The following LRGUK variants were observed in gnomAD, a reference collection of about 807,000 sequenced individuals.
LRGUK encodes leucine rich repeats and guanylate kinase domain containing.
Under a neutral mutation model 76.0 loss-of-function variants are expected in LRGUK, and 65 were observed. The ratio of observed to expected loss-of-function variants is 0.85; its 90% CI spans 0.70 to 1.05. LRGUK has a LOEUF of 1.05. Ranked by LOEUF, LRGUK falls within the 50% of genes least tolerant of loss-of-function variation. The pLI, the probability that LRGUK is intolerant of heterozygous loss-of-function variation, is 0.00. For missense variants in LRGUK, 758 were observed against 732.8 expected (o/e 1.03, Z -0.40); for synonymous variants, 268 against 265.6 (o/e 1.01, Z -0.09).
chr7:134,160,568 A>T (rs1798683035), intron 6 of LRGUK, among the ~76,000 whole-genome samples: 1 of 152,226 alleles, frequency 6.6e-6, no homozygotes. Flanking sequence ...AATTTAGAGA[A>T]AGAAGAACAA....
chr7:134,201,701 T>G, intron 15 of LRGUK, 125 bp downstream of exon 15: 1 of 633,240 alleles, frequency 1.6e-6, no homozygotes, highest in Non-Finnish European at 2.7e-6. Flanking sequence ...CCTGTACTTC[T>G]TCTGGGGCAA....
intron 8 of LRGUK, 48 bp downstream of exon 8, chr7:134,174,684 T>C: frequency 9.7e-7 from 1 of 1,029,584 alleles, no homozygotes; most frequent in Non-Finnish European, 1.5e-6. Flanking sequence ...GAAAGTGGGA[T>C]GGTGGAGGGA....
At chr7:134,149,998 G>A (rs577822159) in intron 5 of LRGUK, among the ~76,000 whole-genome samples, 18 of 152,264 alleles carry the variant, frequency 1.2e-4, no homozygotes, top group East Asian at 1.9e-4. Flanking sequence ...GGTCTAGGCC[G>A]GGCGTGGTGG....
intron 6 of LRGUK, among the ~76,000 whole-genome samples, chr7:134,160,463 A>G (rs1376658914): frequency 6.6e-6 from 1 of 152,224 alleles, no homozygotes; most frequent in East Asian, 1.9e-4. Context: ...TAAAATCTAT[A>G]AAATTTGTTT....
At chr7:134,191,880 T>TG (rs111830556) in intron 12 of LRGUK, 129 bp downstream of exon 12, 24 of 583,252 alleles carry the variant, frequency 4.1e-5, no homozygotes, top group Middle Eastern at 4.4e-4. Context: ...TGAGTTTTTA[T>TG]GGGGTTTTTT....
intron 5 of LRGUK, among the ~76,000 whole-genome samples, chr7:134,152,949 G>A (rs1180732308): frequency 1.1e-5 from 1 of 93,072 alleles, no homozygotes; most frequent in East Asian, 2.5e-4. Context: ...TAAAACTAAG[G>A]GAGGAAGGGA....
At position 134,163,628 on chromosome 7, in the gene LRGUK, C is replaced by T. The variant is rs535257272; in HGVS notation, c.939+88C>T. ...AGCACACACCCTTCATTTTTGGTTT[C>T]TTAAGGGCGGACACATTAAATGTCA... On this transcript the variant is annotated intron_variant, in intron 7 of 15. Coordinates refer to ENST00000645682, the Ensembl canonical transcript of LRGUK. The T allele has an allele frequency of 2.9e-4, 357 of 1,224,868 alleles. 1 individual carries two copies. In the African/African-American group the frequency reaches 5.0e-3, roughly 17 times the overall value. The allele number at this position is 1,224,868 out of a possible 1,614,324, so 75.9% of individuals were successfully genotyped here.
intron 16 of LRGUK, among the ~76,000 whole-genome samples, chr7:134,228,970 A>C (rs1041735817): frequency 3.9e-5 from 6 of 152,346 alleles, no homozygotes; most frequent in Admixed American, 2.0e-4. Context: ...AAATAGTGTA[A>C]AGCTTGAAAA....
chr7:134,227,107 G>A (rs945023213), intron 16 of LRGUK, among the ~76,000 whole-genome samples: 1 of 149,280 alleles, frequency 6.7e-6, no homozygotes, highest in African/African-American at 2.6e-5. Flanking sequence ...TATCTGGCCA[G>A]GCATTAGGGG....
chr7:134,248,198 TC>T (rs1802358024), intron 17 of LRGUK, among the ~76,000 whole-genome samples: 1 of 152,118 alleles, frequency 6.6e-6, no homozygotes, highest in Non-Finnish European at 1.5e-5. Context: ...TGAGACACTG[TC>T]CCCCAGAGCA....
At chr7:134,152,605 T>G (rs1310417458) in intron 5 of LRGUK, among the ~76,000 whole-genome samples, 1 of 152,070 alleles carries the variant, frequency 6.6e-6, no homozygotes, top group African/African-American at 2.4e-5. Flanking sequence ...GGAGAACTTG[T>G]AGATCCAGAA....
chr7:134,221,677 C>T lies in LRGUK; in HGVS notation c.1844-102C>T. On this transcript the variant is annotated intron_variant, in intron 15 of 19. Coordinates refer to the LRGUK transcript ENST00000285928. ...TTGAAATGCGCACATTTTAAGTATC[C>T]AGCTTGTTATGTTTGGGCAAATAAA... 2.7e-5 allele frequency: 22 copies of T among 806,466 alleles called. No homozygotes were observed. The South Asian group carries it at 3.1e-4, about 11-fold the overall frequency. The allele number at this position is 806,466 out of a possible 1,614,324, so 50.0% of individuals were successfully genotyped here.
At chr7:134,158,992 T>C (rs1406210181) in intron 6 of LRGUK, among the ~76,000 whole-genome samples, 2 of 152,164 alleles carry the variant, frequency 1.3e-5, no homozygotes, top group Non-Finnish European at 2.9e-5. Context: ...TTGTAGCTTG[T>C]AAATTTCTTA....
chr7:134,141,445 G>A (rs945375334), intron 3 of LRGUK, among the ~76,000 whole-genome samples: 1 of 152,174 alleles, frequency 6.6e-6, no homozygotes, highest in Admixed American at 6.5e-5. Context: ...GGAGACACGA[G>A]GAGCTCCTGC....
rs147255014 is a variant in LRGUK, at chr7:134,141,208, CAT to C, written c.487+1694_487+1695del. 9.6e-3 allele frequency among the ~76,000 whole-genome samples: 1,468 copies of C among 152,244 alleles called. 22 individuals carry two copies. Among genetic ancestry groups the C allele is most frequent in the African/African-American group, 0.034 (1,406 of 41,524 alleles). ...AAAGCCTCCTGTGTGTAAAGTACCGCATATGTTTCTTTTTGTGATGACAGTCT... is the reference window on the plus strand; with the variant it reads ...AAAGCCTCCTGTGTGTAAAGTACCGCATGTTTCTTTTTGTGATGACAGTCT... On this transcript the variant is annotated intron_variant, in intron 3 of 15. Transcript: ENST00000645682.
chr7:134,181,277 A>G (rs899886727), intron 10 of LRGUK, among the ~76,000 whole-genome samples: 25 of 152,286 alleles, frequency 1.6e-4, no homozygotes, highest in African/African-American at 5.8e-4. Flanking sequence ...TGCTAAATAT[A>G]AAATTCATGA....
intron 3 of LRGUK, among the ~76,000 whole-genome samples, chr7:134,140,803 T>C (rs1333942330): frequency 6.6e-6 from 1 of 152,224 alleles, no homozygotes; most frequent in East Asian, 1.9e-4. Context: ...AACTTTTTTC[T>C]AGTTTTCTAA....
intron 18 of LRGUK, among the ~76,000 whole-genome samples, chr7:134,252,176 C>CAA (rs891622738): frequency 3.6e-5 from 5 of 139,714 alleles, no homozygotes; most frequent in South Asian, 4.6e-4. Flanking sequence ...CTGTTTATAC[C>CAA]AAAAAAAAAA....
At chr7:134,198,044 T>A (rs1174099051) in intron 13 of LRGUK, among the ~76,000 whole-genome samples, 3 of 151,976 alleles carry the variant, frequency 2.0e-5, no homozygotes, top group African/African-American at 7.2e-5. Flanking sequence ...CTTCACACAG[T>A]AGGAGACTGC....
Sources: allele counts gnomAD v4.1 joint callset (sites outside exome capture counted in the v4.1 genomes callset), GRCh38; gene constraint gnomAD v4.1.1; transcripts MANE v1.5; gene names NCBI Gene and HGNC (gene_info 2026-07-23, HGNC 2026-07-21).